EDRF1: variants seen among roughly 807,000 people sequenced by gnomAD.
EDRF1 encodes the protein erythroid differentiation regulatory factor 1, also known as erythroid differentiation-related factor 1.
In EDRF1, 69 loss-of-function variants were observed where a neutral mutation model predicts 148.7. The ratio of observed to expected loss-of-function variants is 0.46; its 90% CI spans 0.38 to 0.57. The LOEUF is 0.57. Among genes scored for constraint, EDRF1 ranks in the 20% least tolerant of loss-of-function variants. The pLI, the probability that EDRF1 is intolerant of heterozygous loss-of-function variation, is 0.00. For missense variants in EDRF1, 1,118 were observed against 1,478.7 expected (o/e 0.76, Z 4.00); for synonymous variants, 515 against 532.8 (o/e 0.97, Z 0.46).
chr10:125,740,361 T>G, intron 15 of EDRF1, 102 bp from the exon 16 acceptor site: 1 of 1,191,842 alleles, frequency 8.4e-7, no homozygotes, highest in African/African-American at 1.5e-5. Flanking sequence ...TCTTGTCACC[T>G]AAGTCTAGAG....
chr10:125,725,609 T>C lies in EDRF1; in HGVS notation c.636-73T>C, dbSNP rs372106342. On this transcript the variant is annotated intron_variant, in intron 5 of 24. Transcript: ENST00000356792. Reference sequence around the variant, plus strand: ...TATGCTTAATTACAGATTGTAGTTTTTATAAACGGGTAGACTGTTGCATGA... The same window carrying C: ...TATGCTTAATTACAGATTGTAGTTTCTATAAACGGGTAGACTGTTGCATGA... 6.8e-5 allele frequency: 108 copies of C among 1,598,522 alleles called. 1 individual carries two copies. The African/African-American group carries it at 1.2e-3, about 18-fold the overall frequency.
intron 15 of EDRF1, 102 bp from the exon 16 acceptor site, chr10:125,740,361 T>C: frequency 8.4e-7 from 1 of 1,191,842 alleles, no homozygotes; most frequent in Non-Finnish European, 1.2e-6. Flanking sequence ...TCTTGTCACC[T>C]AAGTCTAGAG....
chr10:125,725,305 T>C lies in EDRF1; in HGVS notation c.511-13T>C, dbSNP rs1257606330. 1 of 1,613,762 alleles carries C rather than the reference T, an allele frequency of 6.2e-7. No individual in the cohort carries two copies. The highest frequency in any genetic ancestry group is 8.5e-7 in the Non-Finnish European group (1 of 1,179,728). On this transcript the variant is annotated splice_polypyrimidine_tract_variant and intron_variant, in intron 4 of 24. Coordinates refer to ENST00000356792, the MANE Select transcript of EDRF1 (RefSeq NM_001202438.2). Reference sequence around the variant, plus strand: ...GTGTGTTGTATTAATAATATGTATCTCATGTTATCCAGACTGGTGACTGGA... The same window carrying C: ...GTGTGTTGTATTAATAATATGTATCCCATGTTATCCAGACTGGTGACTGGA...
At chr10:125,749,247 CAA>C (rs372652076) in intron 21 of EDRF1, 163 bp from the exon 22 acceptor site, 3,709 of 611,500 alleles carry the variant, frequency 6.1e-3, no homozygotes, top group Non-Finnish European at 6.7e-3. Flanking sequence ...GACCCTGTCT[CAA>C]AAAAAAAAAA....
At chr10:125,732,570 G>A (rs541589361) in intron 9 of EDRF1, among the ~76,000 whole-genome samples, 1 of 152,172 alleles carries the variant, frequency 6.6e-6, no homozygotes, top group Non-Finnish European at 1.5e-5. Context: ...AAATAGAAGG[G>A]CATTTAGAGA....
chr10:125,733,436 C>T lies in EDRF1; in HGVS notation c.1161C>T (p.Pro387=), dbSNP rs772649125. ...KYEMIKTEEI[P]NLENSNFSTK... ...AAATGATAAAGACAGAAGAAATTCC[C>T]AATTTGGAAAATTCTAATTTTTCTA... The change falls in exon 10 of 25, where the codon CCC becomes CCT. Residue 387 remains proline, a synonymous_variant. Transcript: ENST00000356792. 5 of 1,588,108 alleles carry T rather than the reference C, an allele frequency of 3.1e-6. No homozygotes were observed. The African/African-American group carries it at 6.7e-5, about 21-fold the overall frequency.
intron 17 of EDRF1, among the ~76,000 whole-genome samples, chr10:125,741,837 C>T (rs1467619792): frequency 1.3e-5 from 2 of 152,014 alleles, no homozygotes; most frequent in African/African-American, 2.4e-5. Context: ...GGGACTAGTA[C>T]ATGCGCCACC....
At chr10:125,739,769 TTGTC>T (rs1205928835) in intron 15 of EDRF1, among the ~76,000 whole-genome samples, 14 of 152,230 alleles carry the variant, frequency 9.2e-5, no homozygotes, top group African/African-American at 3.1e-4. Context: ...ATTTTGTTCT[TTGTC>T]TGTTAATTAC....
intron 24 of EDRF1, among the ~76,000 whole-genome samples, chr10:125,754,217 A>C (rs1466556524): frequency 7.1e-6 from 1 of 140,868 alleles, no homozygotes; most frequent in Non-Finnish European, 1.5e-5. Context: ...CACCATCTCA[A>C]AAAAAAAAAA....
chr10:125,724,606 C>G (rs1009385925), intron 4 of EDRF1, among the ~76,000 whole-genome samples: 4 of 152,148 alleles, frequency 2.6e-5, no homozygotes, highest in African/African-American at 9.7e-5. Context: ...AGAATATATC[C>G]CCATTGTTAA....
At chr10:125,732,030 C>T (rs1039162992) in intron 9 of EDRF1, 4 of 282,568 alleles carry the variant, frequency 1.4e-5, no homozygotes, top group African/African-American at 8.7e-5. Context: ...CCCAGTGATT[C>T]TTAACCTGGT....
At chr10:125,746,801 G>A (rs1849378604) in intron 19 of EDRF1, 1 of 152,278 alleles carries the variant, frequency 6.6e-6, no homozygotes, top group Non-Finnish European at 1.5e-5. Flanking sequence ...ATGTTGGCCA[G>A]GCTGGTCTCA....
At position 125,763,627 on chromosome 10, in the gene EDRF1, T is replaced by G. The variant is rs1850284373; in HGVS notation, c.*155T>G. 1.2e-6 allele frequency: 1 copy of G among 865,282 alleles called. No individual in the cohort carries two copies. 53.6% of individuals were successfully genotyped at this position (865,282 alleles called of 1,614,324 possible). A position where few individuals can be genotyped will look rare whatever the true frequency, so the allele number is the denominator to read the frequency against. On this transcript the variant is annotated 3_prime_UTR_variant, in exon 25 of 25. Transcript: ENST00000356792. This position sits in a 1 kb window ranked among gnomAD's most constrained non-coding sequence, Gnocchi z 4.3. ...GAGTTATTTTAAGTGACAGACAAATTACGGTTGAGTTCTGTGGCTTCTTCA... is the reference window on the plus strand; with the variant it reads ...GAGTTATTTTAAGTGACAGACAAATGACGGTTGAGTTCTGTGGCTTCTTCA...
At chr10:125,753,084 A>T (rs568059882) in intron 23 of EDRF1, among the ~76,000 whole-genome samples, 170 bp downstream of exon 23, 18 of 152,354 alleles carry the variant, frequency 1.2e-4, no homozygotes, top group Non-Finnish European at 2.4e-4. Flanking sequence ...CCTGGTATTC[A>T]TCTCCTTTCT....
Position 125,730,291 on chromosome 10 carries a change from TAAC to T in EDRF1, c.1026_1028del (p.Asn342del). The T allele has an allele frequency of 6.2e-7, 1 of 1,610,762 alleles. No individual in the cohort carries two copies. Among genetic ancestry groups the T allele is most frequent in the Non-Finnish European group, 8.5e-7 (1 of 1,176,954 alleles). ...CACTAGAAATGTATATTTTTAGGGA[TAAC>T]AACAAACCAATTAATGTGCTAACTG... On this transcript the variant is annotated inframe_deletion, in exon 9 of 25. Coordinates refer to ENST00000356792, the MANE Select transcript of EDRF1 (RefSeq NM_001202438.2).
Position 125,740,509 on chromosome 10 carries a change from C to T in EDRF1, c.2028C>T (p.Ile676=), listed in dbSNP as rs772575871. The part of the protein sequence containing the change: ...KGNYSSQSGM[I]PGSWQHKMKL... ...ATTATTCCAGTCAATCTGGAATGAT[C>T]CCTGGCTCTTGGCAACATAAAATGA... is the stretch of plus-strand genomic sequence containing the variant. The change falls in exon 16 of 25, where the codon ATC becomes ATT. Residue 676 remains isoleucine, a synonymous_variant. Coordinates refer to ENST00000356792, the MANE Select transcript of EDRF1 (RefSeq NM_001202438.2). The T allele has an allele frequency of 2.5e-6, 4 of 1,614,092 alleles. No homozygotes were observed. The highest frequency in any genetic ancestry group is 3.4e-6 in the Non-Finnish European group (4 of 1,180,016).
intron 4 of EDRF1, among the ~76,000 whole-genome samples, chr10:125,724,690 G>T (rs1848169163): frequency 6.6e-6 from 1 of 152,130 alleles, no homozygotes; most frequent in Admixed American, 6.5e-5. Flanking sequence ...TGTTGGTAAG[G>T]ACTGTTTTTC....
At chr10:125,751,459 T>C (rs1214249212) in intron 22 of EDRF1, among the ~76,000 whole-genome samples, 1 of 150,810 alleles carries the variant, frequency 6.6e-6, no homozygotes, top group African/African-American at 2.4e-5. Flanking sequence ...CCCTTCCTAA[T>C]GTCTATATTG....
chr10:125,731,327 G>A (rs1185976270), intron 9 of EDRF1, among the ~76,000 whole-genome samples: 2 of 152,200 alleles, frequency 1.3e-5, no homozygotes, highest in African/African-American at 4.8e-5. Context: ...AGAGAAGGGG[G>A]TGAGCACTTC....
Sources: gnomAD v4.1 joint callset for allele counts (sites outside exome capture counted in the v4.1 genomes callset) on GRCh38, gnomAD v4.1.1 for gene constraint, Gnocchi (gnomAD v3.1) non-coding constraint, MANE v1.5 for transcripts, NCBI Gene and HGNC (gene_info 2026-07-23, HGNC 2026-07-21) for gene names.